Variants in CALD1 observed in about 807,000 individuals in gnomAD.
CALD1 encodes caldesmon 1.
In CALD1, 33 loss-of-function variants were observed where a neutral mutation model predicts 99.9. The observed-to-expected ratio is 0.33, with a 90% CI of 0.25 to 0.44. The LOEUF (loss-of-function observed/expected upper bound fraction) is 0.44. CALD1 is among the 20% of genes least tolerant of loss of function. The probability of loss-of-function intolerance (pLI) is 1.00; values close to 1 mark genes in which losing one functional copy is unlikely to be tolerated. For missense variants in CALD1, 861 were observed against 962.1 expected (o/e 0.89, Z 1.39); for synonymous variants, 310 against 325.0 (o/e 0.95, Z 0.50).
chr7:134,945,667 A>C (rs1279126157), intron 7 of CALD1, among the ~76,000 whole-genome samples: 7 of 152,238 alleles, frequency 4.6e-5, no homozygotes, highest in African/African-American at 1.4e-4. Flanking sequence ...AGCATAAAGA[A>C]TGACATGTAA....
At chr7:134,964,811 T>C (rs1240394407) in intron 13 of CALD1, among the ~76,000 whole-genome samples, 1 of 152,224 alleles carries the variant, frequency 6.6e-6, no homozygotes, top group Admixed American at 6.5e-5. Context: ...AACATGCTCC[T>C]GTTTCACTTT....
intron 3 of CALD1, among the ~76,000 whole-genome samples, chr7:134,899,228 T>C (rs1305729686): frequency 4.6e-5 from 7 of 150,694 alleles, no homozygotes; most frequent in Admixed American, 2.0e-4. Context: ...TTTTTTGAGA[T>C]AGAGTTTCAC....
At chr7:134,944,117 G>A (rs1180305391) in intron 7 of CALD1, among the ~76,000 whole-genome samples, 1 of 152,168 alleles carries the variant, frequency 6.6e-6, no homozygotes, top group Non-Finnish European at 1.5e-5. Flanking sequence ...AATTGACTGA[G>A]AGAGGAGTCA....
At chr7:134,861,910 A>G (rs1251644525) in intron 2 of CALD1, among the ~76,000 whole-genome samples, 1 of 152,224 alleles carries the variant, frequency 6.6e-6, no homozygotes. Flanking sequence ...TGTAATGAAG[A>G]AGGTACAATA....
At chr7:134,747,639 G>T (rs1796646656) in intron 1 of CALD1, among the ~76,000 whole-genome samples, 1 of 152,174 alleles carries the variant, frequency 6.6e-6, no homozygotes, top group Non-Finnish European at 1.5e-5. Flanking sequence ...TATATCAGGG[G>T]CTCTACTCCC....
Position 134,924,447 on chromosome 7 carries a change from TA to T in CALD1, c.72-4303del, listed in dbSNP as rs943106426. The stretch of plus-strand genomic sequence containing the variant: ...GGAAGCTCACCATGAGGGAGAGGCC[TA>T]AAAGCTAAGAAATGACTGTTTGCTT... On this transcript the variant is annotated intron_variant, in intron 3 of 14. Transcript: ENST00000361675. Among the ~76,000 whole-genome samples, 12 of 152,260 alleles carry T rather than the reference TA, an allele frequency of 7.9e-5. No individual in the cohort carries two copies. The South Asian group carries it at 2.1e-3, about 26-fold the overall frequency.
chr7:134,805,260 T>A (rs1181141478), intron 1 of CALD1, among the ~76,000 whole-genome samples: 1 of 152,224 alleles, frequency 6.6e-6, no homozygotes, highest in Non-Finnish European at 1.5e-5. Context: ...ACTGAATTAT[T>A]GAGAGCTTGA....
At chr7:134,849,069 T>C (rs1184496760) in intron 2 of CALD1, among the ~76,000 whole-genome samples, 1 of 152,214 alleles carries the variant, frequency 6.6e-6, no homozygotes, top group Admixed American at 6.5e-5. Context: ...GTGAATCCAA[T>C]GACGTGTTCA....
intron 3 of CALD1, among the ~76,000 whole-genome samples, chr7:134,890,726 G>A (rs1223562539): frequency 2.0e-5 from 3 of 152,172 alleles, no homozygotes; most frequent in Admixed American, 2.0e-4. Flanking sequence ...AGGTTCCATT[G>A]CCCAGCTTGG....
chr7:134,931,972 C>T lies in CALD1; in HGVS notation c.219-1016C>T, dbSNP rs565913878. On this transcript the variant is annotated intron_variant, in intron 4 of 14. Coordinates refer to ENST00000361675, the MANE Select transcript of CALD1 (RefSeq NM_033138.4). ...GTAACACTTACCATTATGCATATTT[C>T]TGTCTAGTTGGTAGAACCAGCCACC... is the stretch of plus-strand genomic sequence containing the variant. 3.3e-5 allele frequency among the ~76,000 whole-genome samples: 5 copies of T among 152,328 alleles called. No homozygotes were observed. The South Asian group carries it at 1.0e-3, about 32-fold the overall frequency.
At chr7:134,757,665 G>A (rs967136797) in intron 1 of CALD1, among the ~76,000 whole-genome samples, 5 of 152,084 alleles carry the variant, frequency 3.3e-5, no homozygotes, top group Non-Finnish European at 5.9e-5. Context: ...TGGTTCACGA[G>A]ATCAGGAATT....
rs145373677 is a variant in CALD1, at chr7:134,860,514, T to C, written c.-41-7179T>C. Among the ~76,000 whole-genome samples, 18 of 152,094 alleles carry C rather than the reference T, an allele frequency of 1.2e-4. 1 individual carries two copies. In the East Asian group the frequency reaches 2.7e-3, roughly 23 times the overall value. Reference sequence around the variant, plus strand: ...AGTCAATAAAGTACAGAGAGATGAATTGGCTTGAGTTACATTTTCCATACT... The same window carrying C: ...AGTCAATAAAGTACAGAGAGATGAACTGGCTTGAGTTACATTTTCCATACT... On this transcript the variant is annotated intron_variant, in intron 2 of 14. Transcript: ENST00000361675.
chr7:134,779,545 G>T (rs536858901), upstream of CALD1: 13 of 396,074 alleles, frequency 3.3e-5, no homozygotes, highest in South Asian at 2.7e-4. Flanking sequence ...ACCGCCTCCC[G>T]ACTGTAAACA....
At chr7:134,831,220 C>A (rs758506324) in intron 1 of CALD1, among the ~76,000 whole-genome samples, 3 of 151,382 alleles carry the variant, frequency 2.0e-5, no homozygotes, top group Non-Finnish European at 4.4e-5. Flanking sequence ...TAGAATCTTA[C>A]CTTTGTTGAA....
At chr7:134,861,458 C>G in intron 2 of CALD1, among the ~76,000 whole-genome samples, 1 of 152,178 alleles carries the variant, frequency 6.6e-6, no homozygotes, top group East Asian at 1.9e-4. Flanking sequence ...TTAGGATATA[C>G]ACGACATGCT....
chr7:134,749,494 C>T (rs992834390), intron 1 of CALD1, among the ~76,000 whole-genome samples: 3 of 152,188 alleles, frequency 2.0e-5, no homozygotes, highest in Admixed American at 2.0e-4. Flanking sequence ...TGGCACATGC[C>T]TGTAATCCCA....
intron 3 of CALD1, among the ~76,000 whole-genome samples, chr7:134,897,639 C>T (rs1025746124): frequency 2.0e-5 from 3 of 151,904 alleles, no homozygotes; most frequent in African/African-American, 4.8e-5. Context: ...CTGGTGACAA[C>T]CCAGGCTGCC....
At chr7:134,743,339 T>A (rs1249644138), upstream of CALD1, among the ~76,000 whole-genome samples, 2 of 152,234 alleles carry the variant, frequency 1.3e-5, no homozygotes, top group African/African-American at 4.8e-5. Flanking sequence ...AGTTCAACTA[T>A]GCACCAAAAC....
chr7:134,767,674 G>A (rs749591907), intron 1 of CALD1, among the ~76,000 whole-genome samples: 20 of 152,208 alleles, frequency 1.3e-4, no homozygotes, highest in South Asian at 2.1e-4. Context: ...AAGAGGAAAC[G>A]TGCATGGCTG....
Sources: gnomAD v4.1 joint callset for allele counts (sites outside exome capture counted in the v4.1 genomes callset) on GRCh38, gnomAD v4.1.1 for gene constraint, MANE v1.5 for transcripts, NCBI Gene and HGNC (gene_info 2026-07-23, HGNC 2026-07-21) for gene names.